The following RALYL variants were observed in gnomAD, a reference collection of about 807,000 sequenced individuals.
RALYL encodes RNA-binding Raly-like protein.
In RALYL, 29 loss-of-function variants were observed where a neutral mutation model predicts 35.1. The observed-to-expected ratio is 0.83, with a 90% CI of 0.61 to 1.13. The LOEUF (loss-of-function observed/expected upper bound fraction) is 1.13, where lower values mean the gene tolerates loss of function less well. RALYL is among the 50% of genes most tolerant of loss of function. The pLI is 0.00. For missense variants in RALYL, 359 were observed against 360.4 expected (o/e 1.00, Z 0.03); for synonymous variants, 120 against 127.6 (o/e 0.94, Z 0.40).
rs911525211 is a variant in RALYL, at chr8:84,862,764, C to T, written c.571+311C>T. On this transcript the variant is annotated intron_variant, in intron 6 of 8. Coordinates refer to ENST00000521268, the MANE Select transcript of RALYL (RefSeq NM_173848.7). Reference sequence around the variant, plus strand: ...TAAAGTACTGAAATATAATATGTTGCTTTTAATGAAGAAATAATTTTACTT... The same window carrying T: ...TAAAGTACTGAAATATAATATGTTGTTTTTAATGAAGAAATAATTTTACTT... Among the ~76,000 whole-genome samples the T allele has an allele frequency of 4.6e-5, 7 of 152,242 alleles. No homozygotes were observed. The East Asian group carries it at 1.3e-3, about 29-fold the overall frequency.
intron 8 of RALYL, among the ~76,000 whole-genome samples, chr8:84,919,409 C>T (rs1848969813): frequency 1.3e-5 from 2 of 151,968 alleles, no homozygotes; most frequent in Non-Finnish European, 2.9e-5. Context: ...GCATGCAGGT[C>T]ATATACAAAA....
chr8:84,699,609 T>C (rs539299137), intron 2 of RALYL, among the ~76,000 whole-genome samples: 6 of 152,224 alleles, frequency 3.9e-5, no homozygotes, highest in African/African-American at 1.4e-4. Flanking sequence ...TCTGCTCCCA[T>C]GACCTAATTA....
intron 2 of RALYL, among the ~76,000 whole-genome samples, chr8:84,766,547 A>AAATAAATAAAT (rs1486248791): frequency 4.9e-5 from 7 of 141,948 alleles, no homozygotes; most frequent in Admixed American, 1.4e-4. Flanking sequence ...ATAAATAAAT[A>AAATAAATAAAT]AATAAATAAA....
chr8:84,386,219 G>C (rs1219527720), intron 1 of RALYL, among the ~76,000 whole-genome samples: 4 of 151,780 alleles, frequency 2.6e-5, no homozygotes, highest in Non-Finnish European at 5.9e-5. Flanking sequence ...TGAAGCCTCT[G>C]TAGTTAGCCT....
intron 2 of RALYL, among the ~76,000 whole-genome samples, chr8:84,537,999 C>T (rs2059738229): frequency 6.6e-6 from 1 of 152,204 alleles, no homozygotes; most frequent in Middle Eastern, 3.4e-3. Flanking sequence ...GTAATAAAAA[C>T]AATACTATGT....
chr8:84,207,326 T>G (rs560464075), intron 1 of RALYL, among the ~76,000 whole-genome samples: 12 of 151,940 alleles, frequency 7.9e-5, no homozygotes, highest in African/African-American at 2.9e-4. Context: ...ATGAAGTATG[T>G]TATATATTAT....
chr8:84,705,930 G>A (rs2132392362), intron 2 of RALYL: 7 of 1,507,184 alleles, frequency 4.6e-6, no homozygotes, highest in East Asian at 2.5e-5. Context: ...TTCTGTCAGT[G>A]AGCAACAGTC....
chr8:84,748,848 A>G (rs556338372), intron 2 of RALYL, among the ~76,000 whole-genome samples: 9 of 152,214 alleles, frequency 5.9e-5, no homozygotes, highest in East Asian at 3.9e-4. Flanking sequence ...TTTTGATCCA[A>G]TGAAAAATAT....
chr8:84,880,638 A>AT (rs1163512357), intron 7 of RALYL, among the ~76,000 whole-genome samples: 1 of 151,852 alleles, frequency 6.6e-6, no homozygotes, highest in Non-Finnish European at 1.5e-5. Flanking sequence ...CATTCATCTT[A>AT]TTTTTTACAC....
intron 1 of RALYL, among the ~76,000 whole-genome samples, chr8:84,334,122 G>C (rs2130761293): frequency 6.6e-6 from 1 of 152,148 alleles, no homozygotes; most frequent in Non-Finnish European, 1.5e-5. Context: ...GGGCTCAAGT[G>C]ATCCACCCAC....
At chr8:84,714,651 C>T (rs17795024) in intron 2 of RALYL, among the ~76,000 whole-genome samples, 3,802 of 151,934 alleles carry the variant, frequency 0.025, 63 homozygotes, top group Non-Finnish European at 0.033. Context: ...ATCTTTGAAA[C>T]ATCAGAAAGC....
chr8:84,476,689 A>G (rs1396035488), intron 1 of RALYL, among the ~76,000 whole-genome samples: 2 of 152,158 alleles, frequency 1.3e-5, no homozygotes, highest in African/African-American at 2.4e-5. Flanking sequence ...ACAGACATCC[A>G]TGGAATCAGG....
At chr8:84,201,017 G>A (rs933071163) in intron 1 of RALYL, among the ~76,000 whole-genome samples, 1 of 152,118 alleles carries the variant, frequency 6.6e-6, no homozygotes, top group Non-Finnish European at 1.5e-5. Flanking sequence ...TAAGAATGGA[G>A]CTTACAGTGC....
At chr8:84,423,357 G>T (rs1442080272) in intron 1 of RALYL, among the ~76,000 whole-genome samples, 1 of 147,908 alleles carries the variant, frequency 6.8e-6, no homozygotes, top group Non-Finnish European at 1.5e-5. Flanking sequence ...TTTTATCAGA[G>T]ACTAGGATTG....
intron 2 of RALYL, among the ~76,000 whole-genome samples, chr8:84,681,427 A>C (rs1835464366): frequency 6.6e-6 from 1 of 151,588 alleles, no homozygotes. Context: ...TTGAATCTAT[A>C]AATTACCTTG....
At chr8:84,406,535 G>A (rs963248933) in intron 1 of RALYL, among the ~76,000 whole-genome samples, 24 of 151,898 alleles carry the variant, frequency 1.6e-4, no homozygotes, top group Admixed American at 5.9e-4. Flanking sequence ...TTGTGGATCA[G>A]AAAGTGCTGG....
At chr8:84,733,510 A>T (rs1387741338) in intron 2 of RALYL, among the ~76,000 whole-genome samples, 1 of 152,170 alleles carries the variant, frequency 6.6e-6, no homozygotes, top group Non-Finnish European at 1.5e-5. Context: ...TATTAATAGT[A>T]TTGATACTAG....
At chr8:84,655,026 A>AAT (rs1829685945) in intron 2 of RALYL, among the ~76,000 whole-genome samples, 1 of 152,074 alleles carries the variant, frequency 6.6e-6, no homozygotes, top group East Asian at 1.9e-4. Flanking sequence ...ACTGTTCTTC[A>AAT]TAGTGGATTG....
intron 6 of RALYL, among the ~76,000 whole-genome samples, chr8:84,868,674 A>G (rs1344789104): frequency 6.6e-6 from 1 of 152,212 alleles, no homozygotes; most frequent in Non-Finnish European, 1.5e-5. Context: ...TACTTACTGA[A>G]TAAAATCCAC....
Sources: allele counts gnomAD v4.1 joint callset (sites outside exome capture counted in the v4.1 genomes callset), GRCh38; gene constraint gnomAD v4.1.1; transcripts MANE v1.5; gene names NCBI Gene and HGNC (gene_info 2026-07-23, HGNC 2026-07-21).